The following TFAP2B variants were observed in gnomAD, a reference collection of about 807,000 sequenced individuals.
TFAP2B encodes the protein transcription factor AP-2-beta.
Under a neutral mutation model 44.3 loss-of-function variants are expected in TFAP2B, and 9 were observed. That is an observed-to-expected ratio of 0.20 (90% CI 0.12 to 0.35). The LOEUF (loss-of-function observed/expected upper bound fraction) is 0.35, where lower values mean the gene tolerates loss of function less well. TFAP2B is among the 10% of genes least tolerant of loss of function. TFAP2B has a pLI of 1.00. For missense variants in TFAP2B, 509 were observed against 600.0 expected, an observed-to-expected ratio of 0.85 and a Z score of 1.59; for synonymous variants, 270 against 263.8, an observed-to-expected ratio of 1.02 and a Z score of -0.23.
At chr6:50,828,043 T>C (rs1403387481) in intron 2 of TFAP2B, among the ~76,000 whole-genome samples, 1 of 152,172 alleles carries the variant, frequency 6.6e-6, no homozygotes, top group Non-Finnish European at 1.5e-5. Context: ...TCCAAGAGAC[T>C]GTCATTGTGC....
intron 6 of TFAP2B, among the ~76,000 whole-genome samples, chr6:50,841,268 A>G (rs1303611253): frequency 1.3e-5 from 2 of 152,204 alleles, no homozygotes; most frequent in East Asian, 3.8e-4. Context: ...GGTAATGAGT[A>G]CAAACTTAAG....
intron 1 of TFAP2B, among the ~76,000 whole-genome samples, chr6:50,820,281 C>A (rs894044927): frequency 6.6e-6 from 1 of 152,198 alleles, no homozygotes; most frequent in Non-Finnish European, 1.5e-5. Context: ...CGGCGCAGAG[C>A]CGCCTCGAAG....
chr6:50,822,033 C>T (rs1289228190), intron 1 of TFAP2B: 2 of 650,474 alleles, frequency 3.1e-6, no homozygotes, highest in East Asian at 1.4e-4. Flanking sequence ...GGAAACACAT[C>T]AAGCTCAGCT....
Position 50,843,815 on chromosome 6 carries a change from TTTTTAA to T in TFAP2B, c.*430_*435del, listed in dbSNP as rs1197301017. The T allele has an allele frequency of 6.1e-6, 1 of 164,084 alleles. No individual in the cohort carries two copies. The highest frequency in any genetic ancestry group is 1.3e-5 in the Non-Finnish European group (1 of 76,062). The allele number at this position is 164,084 out of a possible 1,614,324, so 10.2% of individuals were successfully genotyped here. A position where few individuals can be genotyped will look rare whatever the true frequency, so the allele number is the denominator to read the frequency against. On this transcript the variant is annotated 3_prime_UTR_variant, in exon 7 of 7. Coordinates refer to ENST00000393655, the MANE Select transcript of TFAP2B (RefSeq NM_003221.4). ...AGCTGGTTGACTGAGACGCACGAAC[TTTTTAA>T]TTTTAAATATATTTTTAGGAAACTC... is the stretch of plus-strand genomic sequence containing the variant.
chr6:50,843,503 T>A lies in TFAP2B; in HGVS notation c.*111T>A. 8.9e-7 allele frequency: 1 copy of A among 1,129,412 alleles called. No homozygotes were observed. Among genetic ancestry groups the A allele is most frequent in the Non-Finnish European group, 1.3e-6 (1 of 797,780 alleles). 70.0% of individuals were successfully genotyped at this position (1,129,412 alleles called of 1,614,324 possible). ...TTGGCTTTGGAAGAATTATATTAGG[T>A]AGAATACACATACAATCAAAATTTT... On this transcript the variant is annotated 3_prime_UTR_variant, in exon 7 of 7. Coordinates refer to ENST00000393655, the MANE Select transcript of TFAP2B (RefSeq NM_003221.4).
chr6:50,822,252 ACTCTCTGTCT>A, intron 1 of TFAP2B: 1 of 1,096,246 alleles, frequency 9.1e-7, no homozygotes, highest in Non-Finnish European at 1.2e-6. Context: ...TGTGTCTCAC[ACTCTCTGTCT>A]CTCTCTGTCT....
rs1265357760 is a variant in TFAP2B at position 50,847,326 on chromosome 6, ACT to A, written c.*3937_*3938del. ...ACAATCAAGAAATATCAATCTATTG[ACT>A]CTTCACGAGAAGAGCTCTGGAGGGT... is the stretch of plus-strand genomic sequence containing the variant. On this transcript the variant is annotated 3_prime_UTR_variant, in exon 7 of 7. Coordinates refer to ENST00000393655, the MANE Select transcript of TFAP2B (RefSeq NM_003221.4). 6.6e-6 allele frequency: 1 copy of A among 152,360 alleles called. No homozygotes were observed. The highest frequency in any genetic ancestry group is 1.5e-5 in the Non-Finnish European group (1 of 67,998). The allele number at this position is 152,360 out of a possible 1,614,324, so 9.4% of individuals were successfully genotyped here. A position where few individuals can be genotyped will look rare whatever the true frequency, so the allele number is the denominator to read the frequency against.
chr6:50,843,510 CACAT>C lies in TFAP2B; in HGVS notation c.*122_*125del, dbSNP rs1312336248. 6 of 1,006,472 alleles carry C rather than the reference CACAT, an allele frequency of 6.0e-6. No homozygotes were observed. The highest frequency in any genetic ancestry group is 3.5e-5 in the South Asian group (2 of 57,568). The allele number at this position is 1,006,472 out of a possible 1,614,324, so 62.3% of individuals were successfully genotyped here. On this transcript the variant is annotated 3_prime_UTR_variant, in exon 7 of 7. Transcript: ENST00000393655. ...TGGAAGAATTATATTAGGTAGAATA[CACAT>C]ACAATCAAAATTTTAAAAAAAAAAG...
chr6:50,840,321 C>T, intron 6 of TFAP2B, 24 bp downstream of exon 6: 3 of 1,612,064 alleles, frequency 1.9e-6, no homozygotes, highest in Non-Finnish European at 1.7e-6. Flanking sequence ...ACTCTGGGCC[C>T]TCATCTCACT....
At chr6:50,828,378 C>T (rs979106909) in intron 2 of TFAP2B, among the ~76,000 whole-genome samples, 2 of 152,072 alleles carry the variant, frequency 1.3e-5, no homozygotes, top group Admixed American at 1.3e-4. Flanking sequence ...AATAACTAAA[C>T]CAATGTTGCA....
chr6:50,832,199 C>T lies in TFAP2B; in HGVS notation c.601+3520C>T, dbSNP rs1488816086. 3.9e-5 allele frequency among the ~76,000 whole-genome samples: 6 copies of T among 152,062 alleles called. No individual in the cohort carries two copies. In the East Asian group the frequency reaches 1.2e-3, roughly 29 times the overall value. ...CCAATAGCTATTTATCAACTAGAGA[C>T]CCTGAGAAACACTGCAGCCACTCTT... On this transcript the variant is annotated intron_variant, in intron 3 of 6. Coordinates refer to ENST00000393655, the MANE Select transcript of TFAP2B (RefSeq NM_003221.4).
At chr6:50,840,578 G>T (rs1581829985) in intron 6 of TFAP2B, among the ~76,000 whole-genome samples, 1 of 152,296 alleles carries the variant, frequency 6.6e-6, no homozygotes, top group South Asian at 2.1e-4. Flanking sequence ...GGGAGTTCTT[G>T]TTCCAGCTCT....
Position 50,831,697 on chromosome 6 carries a change from G to T in TFAP2B, c.601+3018G>T, listed in dbSNP as rs377386621. ...GAGGGTGTACCCAGCTAATAAAAAT[G>T]ATCACTGCCACCATCATGTTGCTTA... On this transcript the variant is annotated intron_variant, in intron 3 of 6. Transcript: ENST00000393655. Among the ~76,000 whole-genome samples the T allele has an allele frequency of 3.3e-5, 5 of 152,168 alleles. No individual in the cohort carries two copies. The East Asian group carries it at 5.8e-4, about 18-fold the overall frequency.
At chr6:50,824,049 C>T (rs568435954) in intron 2 of TFAP2B, among the ~76,000 whole-genome samples, 184 bp downstream of exon 2, 5 of 152,206 alleles carry the variant, frequency 3.3e-5, no homozygotes, top group African/African-American at 9.6e-5. Flanking sequence ...TCTATAGTGG[C>T]GATTTCCAGA....
In TFAP2B at chr6:50,845,871, C is replaced by A. The variant is rs1453082597; in HGVS notation, c.*2479C>A. ...CGGGCCCTTCCCGCTCTCGGTCTCA[C>A]CCTAAGGGCTAAGGCGACCGAGAAA... On this transcript the variant is annotated 3_prime_UTR_variant, in exon 7 of 7. Coordinates refer to ENST00000393655, the MANE Select transcript of TFAP2B (RefSeq NM_003221.4). 3 of 152,728 alleles carry A rather than the reference C, an allele frequency of 2.0e-5. No individual in the cohort carries two copies. Among genetic ancestry groups the A allele is most frequent in the Non-Finnish European group, 4.4e-5 (3 of 68,088 alleles). 9.5% of individuals were successfully genotyped at this position (152,728 alleles called of 1,614,324 possible).
rs1322567705 is a variant in TFAP2B at position 50,828,563 on chromosome 6, G to C, written c.541-56G>C. 2.7e-6 allele frequency: 4 copies of C among 1,467,704 alleles called. No homozygotes were observed. In the Admixed American group the frequency reaches 5.0e-5, roughly 19 times the overall value. 90.9% of individuals were successfully genotyped at this position (1,467,704 alleles called of 1,614,324 possible). A position where few individuals can be genotyped will look rare whatever the true frequency, so the allele number is the denominator to read the frequency against. On this transcript the variant is annotated intron_variant, in intron 2 of 6. Transcript: ENST00000393655. ...TCCAGTTTGGAATAACATGATTTAT[G>C]TGTGCAATTCTTTAATATCCTGTCA...
chr6:50,832,500 T>C (rs1362979325), intron 3 of TFAP2B, among the ~76,000 whole-genome samples: 1 of 152,220 alleles, frequency 6.6e-6, no homozygotes, highest in Non-Finnish European at 1.5e-5. Context: ...AATAAAATTT[T>C]ACACTCAGGT....
chr6:50,827,468 C>T (rs1481639980), intron 2 of TFAP2B, among the ~76,000 whole-genome samples: 1 of 152,104 alleles, frequency 6.6e-6, no homozygotes, highest in Non-Finnish European at 1.5e-5. Flanking sequence ...ACGATTAGAT[C>T]ATCTCATTTC....
intron 1 of TFAP2B, among the ~76,000 whole-genome samples, chr6:50,821,050 A>G (rs1428480517): frequency 1.3e-5 from 2 of 152,210 alleles, no homozygotes; most frequent in African/African-American, 4.8e-5. Flanking sequence ...GAAGGAGCCT[A>G]TTTAAGTCTG....
Sources: allele counts gnomAD v4.1 joint callset (sites outside exome capture counted in the v4.1 genomes callset), GRCh38; gene constraint gnomAD v4.1.1; transcripts MANE v1.5; gene names NCBI Gene and HGNC (gene_info 2026-07-23, HGNC 2026-07-21).